PALLD: variants seen among roughly 807,000 people sequenced by gnomAD.
PALLD encodes the protein palladin.
A neutral mutation model predicts 123.5 loss-of-function variants in PALLD; 61 were observed. The ratio of observed to expected loss-of-function variants is 0.49; its 90% CI spans 0.40 to 0.61. The LOEUF (loss-of-function observed/expected upper bound fraction) is 0.61, where lower values mean the gene tolerates loss of function less well. Ranked by LOEUF, PALLD falls within the 20% of genes least tolerant of loss-of-function variation. PALLD has a pLI of 0.00. For missense variants in PALLD, 1,273 were observed against 1,377.0 expected (o/e 0.92, Z 1.20); for synonymous variants, 465 against 496.4 (o/e 0.94, Z 0.84).
chr4:168,811,033 C>A (rs112285276), intron 10 of PALLD, among the ~76,000 whole-genome samples: 70 of 152,092 alleles, frequency 4.6e-4, no homozygotes, highest in African/African-American at 6.5e-4. Flanking sequence ...ACGGAGATCT[C>A]CTAGATAGAA....
At position 168,669,820 on chromosome 4, in the gene PALLD, A is replaced by ACACG. The variant is rs557123639; in HGVS notation, c.1087+1455_1087+1456insGCAC. 4.1e-3 allele frequency among the ~76,000 whole-genome samples: 625 copies of ACACG among 152,076 alleles called. 3 individuals are homozygous for ACACG. Among genetic ancestry groups the ACACG allele is most frequent in the Middle Eastern group, 6.8e-3 (2 of 294 alleles). On this transcript the variant is annotated intron_variant, in intron 3 of 21. Coordinates refer to ENST00000505667, the MANE Select transcript of PALLD (RefSeq NM_001166108.2). ...AAAATGCACACACACACACACACAC[A>ACACG]CACAATCATTTATACTTTGCCGTAG...
chr4:168,924,678 T>G (rs1304071355), intron 19 of PALLD, among the ~76,000 whole-genome samples: 2 of 152,154 alleles, frequency 1.3e-5, no homozygotes, highest in East Asian at 3.9e-4. Flanking sequence ...ATGAATTCAT[T>G]TGCTTTAGTG....
intron 10 of PALLD, among the ~76,000 whole-genome samples, chr4:168,870,564 A>G (rs1200769739): frequency 6.6e-6 from 1 of 152,242 alleles, no homozygotes; most frequent in African/African-American, 2.4e-5. Context: ...AGGTTAATAT[A>G]TGCACACACA....
intron 10 of PALLD, among the ~76,000 whole-genome samples, chr4:168,747,591 G>A (rs1730495133): frequency 6.6e-6 from 1 of 152,140 alleles, no homozygotes; most frequent in Non-Finnish European, 1.5e-5. Context: ...GAGAAGGCAG[G>A]GAAATTTAAT....
At chr4:168,743,035 C>T (rs953262428) in intron 10 of PALLD, among the ~76,000 whole-genome samples, 17 of 152,140 alleles carry the variant, frequency 1.1e-4, no homozygotes, top group African/African-American at 3.6e-4. Flanking sequence ...CTCTGCCTTC[C>T]AGGAGCTATA....
chr4:168,578,196 T>C (rs1769835823), intron 2 of PALLD, among the ~76,000 whole-genome samples: 1 of 151,900 alleles, frequency 6.6e-6, no homozygotes, highest in African/African-American at 2.4e-5. Flanking sequence ...AAGTTAGGAT[T>C]TAAAAAACAT....
In PALLD at chr4:168,741,883, A is replaced by G. The variant is rs73864636; in HGVS notation, c.1964+29960A>G. ...GGAGAGGTGGGAGAGCGAAGGAACC[A>G]GTCTTCATTGACAGCTGACTTTATT... On this transcript the variant is annotated intron_variant, in intron 10 of 21. Coordinates refer to ENST00000505667, the MANE Select transcript of PALLD (RefSeq NM_001166108.2). Among the ~76,000 whole-genome samples, 977 of 152,314 alleles carry G rather than the reference A, an allele frequency of 6.4e-3. 12 individuals are homozygous for G. The highest frequency in any genetic ancestry group is 0.022 in the African/African-American group (922 of 41,574).
chr4:168,613,410 C>G (rs886638025), intron 2 of PALLD, among the ~76,000 whole-genome samples: 1 of 152,170 alleles, frequency 6.6e-6, no homozygotes, highest in South Asian at 2.1e-4. Flanking sequence ...TTCAGAATTC[C>G]CCTCACCTAC....
chr4:168,832,074 G>GAT (rs1744301879), intron 10 of PALLD: 1 of 985,302 alleles, frequency 1.0e-6, no homozygotes, highest in African/African-American at 1.7e-5. Flanking sequence ...TATAAAGCCC[G>GAT]ATACCTGCCC....
In PALLD at chr4:168,810,834, A is replaced by AAG. The variant is rs1561549701; in HGVS notation, c.1965-80087_1965-80086insGA. 8.6e-4 allele frequency among the ~76,000 whole-genome samples: 125 copies of AAG among 145,710 alleles called. 8 individuals are homozygous for AAG. The highest frequency in any genetic ancestry group is 1.2e-3 in the Admixed American group (17 of 14,690). The stretch of plus-strand genomic sequence containing the variant: ...CGTCTCAAAAAAAAAAAAGAAAAAA[A>AAG]AAGAAGAAGAAGAAGAAAATTCAGG... On this transcript the variant is annotated intron_variant, in intron 10 of 21. Coordinates refer to ENST00000505667, the MANE Select transcript of PALLD (RefSeq NM_001166108.2).
intron 10 of PALLD, among the ~76,000 whole-genome samples, chr4:168,821,272 A>T (rs960256032): frequency 1.3e-5 from 2 of 152,222 alleles, no homozygotes; most frequent in Admixed American, 1.3e-4. Flanking sequence ...GTGTATGTTT[A>T]TGAAACAAAT....
Position 168,640,936 on chromosome 4 carries a change from C to A in PALLD, c.909-27254C>A, listed in dbSNP as rs990034153. ...AAAAATAGAGATTCCAGGCCGGGCA[C>A]GGTGGCCTACGCCTGTAATCCCAAC... On this transcript the variant is annotated intron_variant, in intron 2 of 21. Coordinates refer to ENST00000505667, the MANE Select transcript of PALLD (RefSeq NM_001166108.2). Among the ~76,000 whole-genome samples, 5 of 152,122 alleles carry A rather than the reference C, an allele frequency of 3.3e-5. No individual in the cohort carries two copies. The East Asian group carries it at 9.7e-4, about 29-fold the overall frequency.
chr4:168,578,381 G>C (rs2149639056), intron 2 of PALLD, among the ~76,000 whole-genome samples: 1 of 152,144 alleles, frequency 6.6e-6, no homozygotes, highest in South Asian at 2.1e-4. Context: ...ACCTCATGCT[G>C]TCCTTGTGAT....
At chr4:168,598,861 C>A in intron 2 of PALLD, 1 of 187,572 alleles carries the variant, frequency 5.3e-6, no homozygotes. Context: ...AAAATAATTC[C>A]ATAGATCCCA....
chr4:168,684,977 C>T (rs750040026), intron 5 of PALLD, among the ~76,000 whole-genome samples: 46 of 152,146 alleles, frequency 3.0e-4, no homozygotes, highest in Non-Finnish European at 5.6e-4. Context: ...TATTTTAGCA[C>T]GTTTCTTTTT....
intron 10 of PALLD, among the ~76,000 whole-genome samples, chr4:168,877,535 T>G (rs1426383866): frequency 6.6e-6 from 1 of 152,240 alleles, no homozygotes; most frequent in Non-Finnish European, 1.5e-5. Context: ...CATACTTCAC[T>G]GACTTAGCGC....
chr4:168,740,342 G>A (rs771098191), intron 10 of PALLD, among the ~76,000 whole-genome samples: 31 of 152,144 alleles, frequency 2.0e-4, no homozygotes, highest in African/African-American at 2.4e-5. Flanking sequence ...AGTGTCATCT[G>A]AAATTTTGAT....
At chr4:168,681,530 T>C (rs934889647) in intron 4 of PALLD, 132 bp downstream of exon 4, 3 of 607,226 alleles carry the variant, frequency 4.9e-6, no homozygotes, top group Middle Eastern at 3.1e-4. Context: ...AATACTGAGG[T>C]TGGAACACAA....
intron 10 of PALLD, among the ~76,000 whole-genome samples, chr4:168,769,544 C>G (rs908300694): frequency 2.0e-5 from 3 of 152,182 alleles, no homozygotes; most frequent in African/African-American, 7.2e-5. Context: ...TGAACTCCCC[C>G]TGCCTGCTAC....
Sources: allele counts gnomAD v4.1 joint callset (sites outside exome capture counted in the v4.1 genomes callset), GRCh38; gene constraint gnomAD v4.1.1; transcripts MANE v1.5; gene names NCBI Gene and HGNC (gene_info 2026-07-23, HGNC 2026-07-21).